ADAMTS6: variants seen among roughly 807,000 people sequenced by gnomAD.
The protein encoded by ADAMTS6 is A disintegrin and metalloproteinase with thrombospondin motifs 6.
A neutral mutation model predicts 144.3 loss-of-function variants in ADAMTS6; 23 were observed. The observed-to-expected ratio is 0.16, with a 90% CI of 0.11 to 0.23. ADAMTS6 has a LOEUF of 0.23. Among genes scored for constraint, ADAMTS6 ranks in the 10% least tolerant of loss-of-function variants. The pLI is 1.00. For missense variants in ADAMTS6, 999 were observed against 1,379.6 expected, an observed-to-expected ratio of 0.72 and a Z score of 4.37; for synonymous variants, 444 against 457.5, an observed-to-expected ratio of 0.97 and a Z score of 0.38.
At chr5:65,420,867 G>A (rs966384482) in intron 7 of ADAMTS6, among the ~76,000 whole-genome samples, 1 of 151,938 alleles carries the variant, frequency 6.6e-6, no homozygotes, top group Admixed American at 6.6e-5. Flanking sequence ...AATAATAGGA[G>A]GATGGATAAT....
intron 24 of ADAMTS6, among the ~76,000 whole-genome samples, chr5:65,167,329 C>T (rs1430414948): frequency 6.6e-6 from 1 of 152,100 alleles, no homozygotes; most frequent in Non-Finnish European, 1.5e-5. Context: ...CAAGACTAAA[C>T]CAGGAAGAAG....
At chr5:65,308,076 T>A (rs1386871381) in intron 9 of ADAMTS6, among the ~76,000 whole-genome samples, 2 of 152,236 alleles carry the variant, frequency 1.3e-5, no homozygotes, top group Non-Finnish European at 2.9e-5. Context: ...TTGGATATAA[T>A]GTGCTTAGTT....
intron 15 of ADAMTS6, among the ~76,000 whole-genome samples, chr5:65,235,072 G>A (rs1232655802): frequency 6.6e-6 from 1 of 152,128 alleles, no homozygotes; most frequent in Non-Finnish European, 1.5e-5. Flanking sequence ...TCAGGGATTG[G>A]GTGGAAATAG....
intron 20 of ADAMTS6, among the ~76,000 whole-genome samples, chr5:65,204,550 G>A (rs949531412): frequency 5.3e-5 from 8 of 152,310 alleles, no homozygotes; most frequent in Admixed American, 4.6e-4. Flanking sequence ...CATTGAAAGT[G>A]ACCTGAGAGG....
chr5:65,245,768 A>ATTAT (rs1300609573), intron 14 of ADAMTS6, among the ~76,000 whole-genome samples: 71 of 152,276 alleles, frequency 4.7e-4, no homozygotes, highest in African/African-American at 1.5e-3. Context: ...TCTCTGTTGC[A>ATTAT]ACTACTCAAC....
chr5:65,379,406 G>C (rs11749451), intron 7 of ADAMTS6, among the ~76,000 whole-genome samples: 16,367 of 152,158 alleles, frequency 0.11, 962 homozygotes, highest in Non-Finnish European at 0.13. Context: ...CATACTGCCA[G>C]AATTAGCCCA....
At position 65,151,805 on chromosome 5, in the gene ADAMTS6, T is replaced by C. The variant is rs754810995; in HGVS notation, c.*31A>G. 4.4e-6 allele frequency: 7 copies of C among 1,575,782 alleles called. No homozygotes were observed. The highest frequency in any genetic ancestry group is 5.2e-6 in the Non-Finnish European group (6 of 1,147,250). ...TGATGGATGCATTTCCATGATGAAA[T>C]GACAAGGCACTCTCTCTGGCTTTCT... On this transcript the variant is annotated 3_prime_UTR_variant, in exon 25 of 25. Coordinates refer to ENST00000381055, the MANE Select transcript of ADAMTS6 (RefSeq NM_197941.4).
At chr5:65,364,359 T>C (rs1226431118) in intron 7 of ADAMTS6, among the ~76,000 whole-genome samples, 1 of 152,188 alleles carries the variant, frequency 6.6e-6, no homozygotes, top group Non-Finnish European at 1.5e-5. Context: ...TTCAGAGCTC[T>C]TTCATTAAAC....
At chr5:65,207,538 T>C (rs1489026103) in intron 20 of ADAMTS6, among the ~76,000 whole-genome samples, 4 of 152,172 alleles carry the variant, frequency 2.6e-5, no homozygotes, top group African/African-American at 9.7e-5. Flanking sequence ...CATTGTATAA[T>C]ATTAAATAAG....
At chr5:65,157,965 AC>A (rs1752528314) in intron 24 of ADAMTS6, among the ~76,000 whole-genome samples, 1 of 152,150 alleles carries the variant, frequency 6.6e-6, no homozygotes, top group Admixed American at 6.5e-5. Context: ...CATAGACTAG[AC>A]CATTCCTTTC....
intron 22 of ADAMTS6, among the ~76,000 whole-genome samples, chr5:65,187,243 T>G (rs1754727236): frequency 6.6e-6 from 1 of 152,208 alleles, no homozygotes; most frequent in South Asian, 2.1e-4. Context: ...TGCATACGTA[T>G]CTGTCTCATG....
At chr5:65,192,448 T>G (rs891243570) in intron 21 of ADAMTS6, among the ~76,000 whole-genome samples, 1 of 152,016 alleles carries the variant, frequency 6.6e-6, no homozygotes, top group Non-Finnish European at 1.5e-5. Context: ...TTTCACAATT[T>G]TAAAAACCAC....
chr5:65,181,516 G>T (rs1754350435), intron 22 of ADAMTS6, among the ~76,000 whole-genome samples: 1 of 152,106 alleles, frequency 6.6e-6, no homozygotes, highest in Non-Finnish European at 1.5e-5. Flanking sequence ...AAATTTTTAA[G>T]AATTATTATA....
intron 7 of ADAMTS6, among the ~76,000 whole-genome samples, chr5:65,418,912 G>A (rs1755781438): frequency 6.6e-6 from 1 of 152,192 alleles, no homozygotes; most frequent in African/African-American, 2.4e-5. Context: ...ATGCTGGCAT[G>A]CTGTGGAGAA....
Position 65,273,351 on chromosome 5 carries a change from T to A in ADAMTS6, c.1609A>T (p.Ile537Phe). Residue 537 changes from isoleucine (I) to phenylalanine (F), a missense_variant, in exon 12 of 25, where the codon ATT becomes TTT. By Grantham distance (21) the Ile-to-Phe change is conservative. Coordinates refer to ENST00000381055, the MANE Select transcript of ADAMTS6 (RefSeq NM_197941.4). ...AEGTLCQTGN[I>F]EKGWCYQGDC... ...ATCATTGAGCTTACCCCTTTTTCAA[T>A]ATTCCCAGTTTGACACAGTGTCCCC... 6.2e-7 allele frequency: 1 copy of A among 1,613,872 alleles called. No individual in the cohort carries two copies. Among genetic ancestry groups the A allele is most frequent in the Non-Finnish European group, 8.5e-7 (1 of 1,179,770 alleles).
intron 7 of ADAMTS6, among the ~76,000 whole-genome samples, chr5:65,355,980 G>A (rs1232669164): frequency 6.6e-6 from 1 of 151,456 alleles, no homozygotes; most frequent in Non-Finnish European, 1.5e-5. Flanking sequence ...TTTCATTCCT[G>A]CGCTCCTAGC....
intron 7 of ADAMTS6, among the ~76,000 whole-genome samples, chr5:65,342,456 C>T (rs763749108): frequency 7.9e-5 from 12 of 152,098 alleles, no homozygotes; most frequent in Non-Finnish European, 1.5e-4. Flanking sequence ...AGTTACCTCC[C>T]ACCGGGTCCC....
chr5:65,366,446 C>T (rs577053514), intron 7 of ADAMTS6, among the ~76,000 whole-genome samples: 234 of 152,190 alleles, frequency 1.5e-3, no homozygotes, highest in Non-Finnish European at 2.9e-3. Context: ...TGAATCCAAC[C>T]AAGACCAGAA....
At chr5:65,284,091 C>G (rs1218023699) in intron 11 of ADAMTS6, among the ~76,000 whole-genome samples, 1 of 152,010 alleles carries the variant, frequency 6.6e-6, no homozygotes, top group African/African-American at 2.4e-5. Context: ...ACTCGTACAA[C>G]TAACATACAA....
Sources: allele counts gnomAD v4.1 joint callset (sites outside exome capture counted in the v4.1 genomes callset), GRCh38; gene constraint gnomAD v4.1.1; transcripts MANE v1.5; gene names NCBI Gene and HGNC (gene_info 2026-07-23, HGNC 2026-07-21).